RSU1: variants seen among roughly 807,000 people sequenced by gnomAD.
RSU1 encodes Ras suppressor protein 1, also known as rsu-1.
RSU1 carries 26 observed loss-of-function variants against 31.1 expected under a neutral mutation model. That is an observed-to-expected ratio of 0.84 (90% CI 0.61 to 1.16). The LOEUF (loss-of-function observed/expected upper bound fraction) is 1.16, where lower values mean the gene tolerates loss of function less well. RSU1 is among the 50% of genes most tolerant of loss of function. The probability of loss-of-function intolerance (pLI) is 0.00; values close to 1 mark genes in which losing one functional copy is unlikely to be tolerated. For missense variants in RSU1, 320 were observed against 339.1 expected (o/e 0.94, Z 0.44); for synonymous variants, 164 against 136.3 (o/e 1.20, Z -1.41).
intron 8 of RSU1, among the ~76,000 whole-genome samples, chr10:16,624,832 G>A (rs1026135172): frequency 6.6e-6 from 1 of 152,070 alleles, no homozygotes; most frequent in African/African-American, 2.4e-5. Flanking sequence ...TGGGCTGATT[G>A]ATTAAAAAAA....
chr10:16,678,944 T>C (rs77597555), intron 8 of RSU1, among the ~76,000 whole-genome samples: 2 of 150,268 alleles, frequency 1.3e-5, no homozygotes, highest in Admixed American at 1.3e-4. Flanking sequence ...CAGATTTGAA[T>C]TAAAAAAAAA....
At chr10:16,714,006 T>TG (rs1564328627) in intron 7 of RSU1, among the ~76,000 whole-genome samples, 1 of 152,118 alleles carries the variant, frequency 6.6e-6, no homozygotes, top group African/African-American at 2.4e-5. Flanking sequence ...GTATTTGTGG[T>TG]GGTCGTAGTG....
chr10:16,747,471 T>G (rs1226840946), intron 7 of RSU1, among the ~76,000 whole-genome samples: 1 of 151,588 alleles, frequency 6.6e-6, no homozygotes, highest in East Asian at 1.9e-4. Context: ...TTCCCAGCCT[T>G]CCAGTTGCTT....
intron 8 of RSU1, among the ~76,000 whole-genome samples, chr10:16,628,818 T>C (rs1834200713): frequency 6.6e-6 from 1 of 152,204 alleles, no homozygotes; most frequent in African/African-American, 2.4e-5. Flanking sequence ...AATTCTTACT[T>C]TTCGTTCATT....
intron 3 of RSU1, among the ~76,000 whole-genome samples, chr10:16,772,641 GAA>G (rs60460081): frequency 0.25 from 15,974 of 64,244 alleles, 657 homozygotes; most frequent in Middle Eastern, 0.29. Flanking sequence ...AGTAGAATAT[GAA>G]AAAAAAAAAA....
intron 3 of RSU1, among the ~76,000 whole-genome samples, chr10:16,781,466 T>C (rs1320765677): frequency 6.6e-6 from 1 of 152,192 alleles, no homozygotes; most frequent in Non-Finnish European, 1.5e-5. Context: ...GGACAGAAAG[T>C]GTATTAAACA....
intron 8 of RSU1, among the ~76,000 whole-genome samples, chr10:16,667,997 G>T (rs79171836): frequency 6.6e-6 from 1 of 152,214 alleles, no homozygotes; most frequent in South Asian, 2.1e-4. Flanking sequence ...GCTAAAGGAG[G>T]AGCAAGGTAT....
chr10:16,658,236 A>G (rs1834826531), intron 8 of RSU1, among the ~76,000 whole-genome samples: 1 of 152,210 alleles, frequency 6.6e-6, no homozygotes, highest in Non-Finnish European at 1.5e-5. Context: ...AAAGCAGAAT[A>G]TATCTAAGAG....
At chr10:16,728,506 G>T (rs1836440917) in intron 7 of RSU1, among the ~76,000 whole-genome samples, 2 of 152,104 alleles carry the variant, frequency 1.3e-5, no homozygotes. Flanking sequence ...CATGAAGCAG[G>T]GGAAAGAAAC....
At chr10:16,649,058 A>C (rs1834630747) in intron 8 of RSU1, among the ~76,000 whole-genome samples, 1 of 152,198 alleles carries the variant, frequency 6.6e-6, no homozygotes, top group South Asian at 2.1e-4. Context: ...ATTTCCCTTA[A>C]AATTCACAAG....
intron 2 of RSU1, 26 bp from the exon 3 acceptor site, chr10:16,782,110 G>C (rs771692930): frequency 6.3e-7 from 1 of 1,578,786 alleles, no homozygotes; most frequent in South Asian, 1.1e-5. Flanking sequence ...AAAAAAAAAG[G>C]TCAGTCAGTA....
rs186902245 is a variant in RSU1 at position 16,671,206 on chromosome 10, C to G, written c.731+23817G>C. 2.1e-4 allele frequency among the ~76,000 whole-genome samples: 32 copies of G among 152,242 alleles called. No individual in the cohort carries two copies. In the East Asian group the frequency reaches 5.6e-3, roughly 27 times the overall value. The stretch of plus-strand genomic sequence containing the variant: ...AACCTAGGTGCCCATCAATGGTGGG[C>G]TGGATTAAGAAAATGTGGTAGAAAC... On this transcript the variant is annotated intron_variant, in intron 8 of 8. Coordinates refer to ENST00000345264, the MANE Select transcript of RSU1 (RefSeq NM_012425.4).
intron 3 of RSU1, among the ~76,000 whole-genome samples, chr10:16,765,609 C>T (rs1400395850): frequency 1.3e-5 from 2 of 152,198 alleles, no homozygotes; most frequent in South Asian, 4.1e-4. Flanking sequence ...TTTCCATAGA[C>T]TGTAATTCAT....
chr10:16,683,082 A>G (rs1257133874), intron 8 of RSU1, among the ~76,000 whole-genome samples: 3 of 151,934 alleles, frequency 2.0e-5, no homozygotes, highest in Non-Finnish European at 1.5e-5. Flanking sequence ...ATTCCTTACA[A>G]TGAAACAGTG....
intron 8 of RSU1, among the ~76,000 whole-genome samples, chr10:16,643,318 A>G (rs1250769063): frequency 1.3e-5 from 2 of 152,204 alleles, no homozygotes; most frequent in East Asian, 3.8e-4. Context: ...AATGATTCCT[A>G]GTAGATACTT....
At chr10:16,792,608 A>G (rs1290989098) in intron 2 of RSU1, among the ~76,000 whole-genome samples, 1 of 152,202 alleles carries the variant, frequency 6.6e-6, no homozygotes, top group Non-Finnish European at 1.5e-5. Context: ...TATTCAAAGG[A>G]GTCTGCCTTG....
intron 2 of RSU1, among the ~76,000 whole-genome samples, chr10:16,797,835 A>G (rs1397098369): frequency 6.6e-6 from 1 of 151,102 alleles, no homozygotes; most frequent in African/African-American, 2.4e-5. Context: ...CAAGAAACAG[A>G]AGTTAAAGTG....
At chr10:16,711,331 C>G (rs917388514) in intron 7 of RSU1, among the ~76,000 whole-genome samples, 1 of 85,004 alleles carries the variant, frequency 1.2e-5, no homozygotes, top group Admixed American at 1.1e-4. Context: ...TTTTGCTTAT[C>G]TTTTCAAAAA....
chr10:16,762,986 ACT>A (rs1300974119), intron 4 of RSU1, among the ~76,000 whole-genome samples: 10 of 145,904 alleles, frequency 6.9e-5, no homozygotes, highest in African/African-American at 2.4e-4. Flanking sequence ...ACAAAGCAAG[ACT>A]CTGTCTCAAA....
Sources: allele counts gnomAD v4.1 joint callset (sites outside exome capture counted in the v4.1 genomes callset), GRCh38; gene constraint gnomAD v4.1.1; transcripts MANE v1.5; gene names NCBI Gene and HGNC (gene_info 2026-07-23, HGNC 2026-07-21).